The following DNAJC15 variants were observed in gnomAD, a reference collection of about 807,000 sequenced individuals.
DNAJC15 encodes the protein dnaJ homolog subfamily C member 15.
A neutral mutation model predicts 22.4 loss-of-function variants in DNAJC15; 27 were observed. The ratio of observed to expected loss-of-function variants is 1.20; its 90% CI spans 0.89 to 1.66. The LOEUF (loss-of-function observed/expected upper bound fraction) is 1.66. Ranked by LOEUF, DNAJC15 falls within the 40% of genes most tolerant of loss-of-function variation. DNAJC15 has a pLI of 0.00. For missense variants in DNAJC15, 208 were observed against 187.1 expected (o/e 1.11, Z -0.65); for synonymous variants, 79 against 63.2 (o/e 1.25, Z -1.19).
Position 43,023,746 on chromosome 13 carries a change from C to T in DNAJC15, c.108+12C>T, listed in dbSNP as rs763359863. Reference sequence around the variant, plus strand: ...ACCAGCAGAGACTGGTGAGTCCTGCCAGCGGCCCCCACCCCTCTCTGGCTC... The same window carrying T: ...ACCAGCAGAGACTGGTGAGTCCTGCTAGCGGCCCCCACCCCTCTCTGGCTC... On this transcript the variant is annotated intron_variant, in intron 1 of 5. Transcript: ENST00000379221. The T allele has an allele frequency of 1.3e-6, 2 of 1,595,272 alleles. No homozygotes were observed. The highest frequency in any genetic ancestry group is 1.3e-5 in the African/African-American group (1 of 74,424).
rs958096135 is a variant in DNAJC15 at position 43,026,549 on chromosome 13, T to C, written c.108+2815T>C. On this transcript the variant is annotated intron_variant, in intron 1 of 5. Transcript: ENST00000379221. ...GGCAGAAGATTGTTGATAATAACTT[T>C]AGGGAACTTGGAAGTACTGAAAGCA... Among the ~76,000 whole-genome samples the C allele has an allele frequency of 4.6e-5, 7 of 152,184 alleles. No individual in the cohort carries two copies. The East Asian group carries it at 9.6e-4, about 21-fold the overall frequency.
In DNAJC15 at chr13:43,107,346, T is replaced by A; in HGVS notation, c.*98T>A. 1.0e-6 allele frequency: 1 copy of A among 1,003,324 alleles called. No homozygotes were observed. Among genetic ancestry groups the A allele is most frequent in the Non-Finnish European group, 1.4e-6 (1 of 724,932 alleles). 62.2% of individuals were successfully genotyped at this position (1,003,324 alleles called of 1,614,324 possible). The stretch of plus-strand genomic sequence containing the variant: ...AAAACATGGTCTTCTTAATTTTCTA[T>A]ATGGATTGACCACAGTCTTATCTTC... On this transcript the variant is annotated 3_prime_UTR_variant, in exon 6 of 6. Coordinates refer to ENST00000379221, the MANE Select transcript of DNAJC15 (RefSeq NM_013238.3).
chr13:43,077,564 T>C (rs1320546463), intron 3 of DNAJC15, among the ~76,000 whole-genome samples: 1 of 152,136 alleles, frequency 6.6e-6, no homozygotes, highest in Non-Finnish European at 1.5e-5. Context: ...AGAAATACAA[T>C]GTTTCTATCC....
At chr13:43,097,590 A>G (rs945143153) in intron 5 of DNAJC15, among the ~76,000 whole-genome samples, 16 of 152,270 alleles carry the variant, frequency 1.1e-4, no homozygotes, top group African/African-American at 3.9e-4. Context: ...GTAATCCAAG[A>G]GAATGATACT....
intron 1 of DNAJC15, among the ~76,000 whole-genome samples, chr13:43,052,599 A>G (rs2040510562): frequency 6.6e-6 from 1 of 152,094 alleles, no homozygotes; most frequent in Non-Finnish European, 1.5e-5. Flanking sequence ...GTATTTTAGT[A>G]GAGACAGGGT....
chr13:43,060,264 T>A (rs139416647), intron 1 of DNAJC15, among the ~76,000 whole-genome samples: 1 of 152,250 alleles, frequency 6.6e-6, no homozygotes, highest in East Asian at 1.9e-4. Flanking sequence ...GAGATTCAAC[T>A]GGAGAAAGAT....
chr13:43,073,058 TCC>T (rs1012637603), intron 3 of DNAJC15, among the ~76,000 whole-genome samples: 6 of 152,240 alleles, frequency 3.9e-5, no homozygotes, highest in Admixed American at 2.0e-4. Flanking sequence ...GTTCTTTTTT[TCC>T]CCTCCATGAT....
chr13:43,029,349 T>C (rs2040394452), intron 1 of DNAJC15, among the ~76,000 whole-genome samples: 1 of 152,242 alleles, frequency 6.6e-6, no homozygotes, highest in Non-Finnish European at 1.5e-5. Context: ...ATACTTTTTT[T>C]CTTCTTCATT....
At chr13:43,100,836 T>C (rs1406961386) in intron 5 of DNAJC15, among the ~76,000 whole-genome samples, 1 of 152,228 alleles carries the variant, frequency 6.6e-6, no homozygotes, top group East Asian at 1.9e-4. Flanking sequence ...GTGGTTGTTC[T>C]GTTATTGAAA....
At chr13:43,055,067 G>A (rs1368007070) in intron 1 of DNAJC15, among the ~76,000 whole-genome samples, 2 of 149,804 alleles carry the variant, frequency 1.3e-5, no homozygotes, top group Non-Finnish European at 3.0e-5. Flanking sequence ...GAAGCTAAAA[G>A]TGGACTTGGG....
chr13:43,091,940 A>G (rs977137150), intron 5 of DNAJC15, among the ~76,000 whole-genome samples: 2 of 152,150 alleles, frequency 1.3e-5, no homozygotes, highest in Non-Finnish European at 2.9e-5. Flanking sequence ...TTTGGGAAAA[A>G]TTTGTGATCA....
intron 5 of DNAJC15, among the ~76,000 whole-genome samples, chr13:43,101,209 A>G (rs1391117018): frequency 6.6e-6 from 1 of 152,092 alleles, no homozygotes; most frequent in African/African-American, 2.4e-5. Flanking sequence ...TCAATTTTTA[A>G]TAGAAACAGG....
rs2040818195 is a variant in DNAJC15, at chr13:43,110,232, C to A, written c.*2984C>A. 6.6e-6 allele frequency: 1 copy of A among 152,184 alleles called. No individual in the cohort carries two copies. The allele number at this position is 152,184 out of a possible 1,614,324, so 9.4% of individuals were successfully genotyped here. A position where few individuals can be genotyped will look rare whatever the true frequency, so the allele number is the denominator to read the frequency against. On this transcript the variant is annotated 3_prime_UTR_variant, in exon 6 of 6. Coordinates refer to ENST00000379221, the MANE Select transcript of DNAJC15 (RefSeq NM_013238.3). ...TTACATAGGCTTCTCAACAGGGCTA[C>A]TAGAGCATCGTCACCATAGCAGCTG...
At chr13:43,055,624 T>C (rs1200813929) in intron 1 of DNAJC15, among the ~76,000 whole-genome samples, 1 of 152,234 alleles carries the variant, frequency 6.6e-6, no homozygotes, top group African/African-American at 2.4e-5. Context: ...TCTCTCTTCT[T>C]TTCTTGGTTA....
At chr13:43,024,963 G>A (rs922275984) in intron 1 of DNAJC15, among the ~76,000 whole-genome samples, 1 of 149,208 alleles carries the variant, frequency 6.7e-6, no homozygotes, top group African/African-American at 2.5e-5. Context: ...TGGGAGGCTG[G>A]GTCGGGAGAA....
At chr13:43,074,968 CTG>C (rs2040626754) in intron 3 of DNAJC15, among the ~76,000 whole-genome samples, 1 of 152,136 alleles carries the variant, frequency 6.6e-6, no homozygotes, top group Admixed American at 6.5e-5. Flanking sequence ...CTTTTTGTAT[CTG>C]TGGTTTCTGT....
In DNAJC15 at chr13:43,023,603, C is replaced by T. The variant is rs200034757; in HGVS notation, c.-24C>T. ...CGCCTCGTAGTCACTGCCGCGGCGCCTTGAGTCTCCGGGCCGCCTTGCCAT... is the reference window on the plus strand; with the variant it reads ...CGCCTCGTAGTCACTGCCGCGGCGCTTTGAGTCTCCGGGCCGCCTTGCCAT... On this transcript the variant is annotated 5_prime_UTR_variant, in exon 1 of 6. Coordinates refer to ENST00000379221, the MANE Select transcript of DNAJC15 (RefSeq NM_013238.3). 2.3e-5 allele frequency: 37 copies of T among 1,599,952 alleles called. No individual in the cohort carries two copies. Among genetic ancestry groups the T allele is most frequent in the Middle Eastern group, 1.7e-4 (1 of 5,970 alleles).
intron 1 of DNAJC15, among the ~76,000 whole-genome samples, chr13:43,044,456 C>T (rs543582383): frequency 5.7e-4 from 87 of 152,154 alleles, no homozygotes; most frequent in African/African-American, 2.0e-3. Flanking sequence ...CATGACATAC[C>T]CTTTCTCTGC....
At chr13:43,074,017 A>G (rs922107795) in intron 3 of DNAJC15, among the ~76,000 whole-genome samples, 1 of 150,906 alleles carries the variant, frequency 6.6e-6, no homozygotes, top group Admixed American at 6.6e-5. Flanking sequence ...TTATTTGAAT[A>G]TAATTTTTTA....
Sources: gnomAD v4.1 joint callset for allele counts (sites outside exome capture counted in the v4.1 genomes callset) on GRCh38, gnomAD v4.1.1 for gene constraint, MANE v1.5 for transcripts, NCBI Gene and HGNC (gene_info 2026-07-23, HGNC 2026-07-21) for gene names.